The following SEMA3E variants were observed in gnomAD, a reference collection of about 807,000 sequenced individuals.
SEMA3E encodes the protein semaphorin 3E.
In SEMA3E, 49 loss-of-function variants were observed where a neutral mutation model predicts 93.6. The observed-to-expected ratio is 0.52, with a 90% CI of 0.42 to 0.66. SEMA3E has a LOEUF of 0.66. Among genes scored for constraint, SEMA3E ranks in the 30% least tolerant of loss-of-function variants. The probability of loss-of-function intolerance (pLI) is 0.00; values close to 1 mark genes in which losing one functional copy is unlikely to be tolerated. For missense variants in SEMA3E, 906 were observed against 964.8 expected (o/e 0.94, Z 0.81); for synonymous variants, 363 against 330.7 (o/e 1.10, Z -1.06).
chr7:83,387,991 G>A (rs3109787), intron 14 of SEMA3E, among the ~76,000 whole-genome samples: 142,047 of 146,046 alleles, frequency 0.97, 69,211 homozygotes, highest in East Asian at 1. Context: ...TATATATTAT[G>A]TATATAATAT....
intron 1 of SEMA3E, among the ~76,000 whole-genome samples, chr7:83,626,178 G>A (rs535175565): frequency 6.6e-6 from 1 of 152,128 alleles, no homozygotes; most frequent in Admixed American, 6.6e-5. Flanking sequence ...TTTTGTGTGT[G>A]TGTCTCTTCC....
chr7:83,462,056 C>T (rs1000951844), intron 4 of SEMA3E: 1 of 152,254 alleles, frequency 6.6e-6, no homozygotes, highest in Non-Finnish European at 1.5e-5. Flanking sequence ...ACGTGGCAGC[C>T]ATTCCCAGAG....
intron 1 of SEMA3E, among the ~76,000 whole-genome samples, chr7:83,600,953 A>C (rs557599936): frequency 1.6e-3 from 249 of 152,318 alleles, no homozygotes; most frequent in African/African-American, 5.8e-3. Context: ...AGACTTGATT[A>C]AATGAAGAAT....
At chr7:83,567,683 A>AT (rs1792191663) in intron 1 of SEMA3E, among the ~76,000 whole-genome samples, 2 of 152,092 alleles carry the variant, frequency 1.3e-5, no homozygotes, top group African/African-American at 4.8e-5. Flanking sequence ...AAACTTAAAA[A>AT]ATTTTTTTAA....
chr7:83,541,296 T>C (rs901702820), intron 1 of SEMA3E, among the ~76,000 whole-genome samples: 3 of 152,198 alleles, frequency 2.0e-5, no homozygotes, highest in African/African-American at 2.4e-5. Context: ...GCAGGGATCA[T>C]GTCTATCAAA....
At chr7:83,637,789 C>CTTT (rs202153375) in intron 1 of SEMA3E, among the ~76,000 whole-genome samples, 37 of 128,964 alleles carry the variant, frequency 2.9e-4, no homozygotes, top group Non-Finnish European at 4.2e-4. Flanking sequence ...TCTGGCAGTT[C>CTTT]TTTTTTTTTT....
intron 1 of SEMA3E, among the ~76,000 whole-genome samples, chr7:83,645,245 C>T (rs1794064636): frequency 1.3e-5 from 2 of 151,950 alleles, no homozygotes; most frequent in South Asian, 4.1e-4. Flanking sequence ...GTCCTGAGGA[C>T]CACAGTATTT....
At chr7:83,405,561 T>G (rs781553243) in intron 8 of SEMA3E, 42 bp from the exon 9 acceptor site, 3 of 1,524,398 alleles carry the variant, frequency 2.0e-6, no homozygotes, top group Admixed American at 1.7e-5. Flanking sequence ...TATTTTTAGC[T>G]CTCTTTGCAT....
intron 1 of SEMA3E, among the ~76,000 whole-genome samples, chr7:83,523,808 C>A (rs754171128): frequency 6.6e-6 from 1 of 151,902 alleles, no homozygotes; most frequent in Admixed American, 6.6e-5. Flanking sequence ...ATAATATACA[C>A]GTATTTTTCT....
At chr7:83,525,774 G>A (rs1584308626) in intron 1 of SEMA3E, among the ~76,000 whole-genome samples, 3 of 97,332 alleles carry the variant, frequency 3.1e-5, no homozygotes, top group African/African-American at 1.1e-4. Context: ...CTTCATTTTT[G>A]TTTGTTTGGG....
intron 9 of SEMA3E, among the ~76,000 whole-genome samples, chr7:83,404,498 A>G (rs1788289910): frequency 6.6e-6 from 1 of 151,952 alleles, no homozygotes; most frequent in African/African-American, 2.4e-5. Flanking sequence ...TATCCTAATC[A>G]TTTTACCTGC....
intron 4 of SEMA3E, among the ~76,000 whole-genome samples, chr7:83,423,876 C>T (rs1242329770): frequency 6.6e-6 from 1 of 152,078 alleles, no homozygotes; most frequent in Non-Finnish European, 1.5e-5. Flanking sequence ...TCTCACAGAT[C>T]ACCACTAATA....
At chr7:83,486,320 C>A (rs974579658) in intron 2 of SEMA3E, among the ~76,000 whole-genome samples, 6 of 152,092 alleles carry the variant, frequency 3.9e-5, no homozygotes, top group Non-Finnish European at 8.8e-5. Flanking sequence ...AAACATCCTG[C>A]AATGAACATG....
At chr7:83,405,157 T>A (rs1788302416) in intron 9 of SEMA3E, among the ~76,000 whole-genome samples, 1 of 151,742 alleles carries the variant, frequency 6.6e-6, no homozygotes, top group African/African-American at 2.4e-5. Flanking sequence ...AAACTGTATG[T>A]GAAAAAAAAA....
chr7:83,616,010 T>G (rs62475070), intron 1 of SEMA3E, among the ~76,000 whole-genome samples: 1 of 150,922 alleles, frequency 6.6e-6, no homozygotes, highest in Non-Finnish European at 1.5e-5. Context: ...AAAAAAACAT[T>G]GGTAAATTGT....
At chr7:83,385,606 G>A (rs1787863292) in intron 15 of SEMA3E, among the ~76,000 whole-genome samples, 173 bp from the exon 16 acceptor site, 1 of 151,994 alleles carries the variant, frequency 6.6e-6, no homozygotes, top group South Asian at 2.1e-4. Context: ...CAAAATTTAG[G>A]CATGAAACAA....
intron 4 of SEMA3E, among the ~76,000 whole-genome samples, chr7:83,447,728 G>A (rs1789263940): frequency 6.6e-6 from 1 of 152,196 alleles, no homozygotes. Context: ...GATACAGTTA[G>A]AATGGAAAAT....
chr7:83,598,251 T>C (rs1280824480), intron 1 of SEMA3E, among the ~76,000 whole-genome samples: 2 of 152,144 alleles, frequency 1.3e-5, no homozygotes, highest in African/African-American at 2.4e-5. Context: ...AAAACCTAAA[T>C]GCAGTAAGAT....
intron 1 of SEMA3E, among the ~76,000 whole-genome samples, chr7:83,494,808 A>G (rs973378221): frequency 6.6e-6 from 1 of 151,958 alleles, no homozygotes; most frequent in Non-Finnish European, 1.5e-5. Flanking sequence ...CAGTGTGACA[A>G]TAGCTCCTGC....
Sources: gnomAD v4.1 joint callset for allele counts (sites outside exome capture counted in the v4.1 genomes callset) on GRCh38, gnomAD v4.1.1 for gene constraint, MANE v1.5 for transcripts, NCBI Gene and HGNC (gene_info 2026-07-23, HGNC 2026-07-21) for gene names.